SLC25A21: variants seen among roughly 807,000 people sequenced by gnomAD.
The protein encoded by SLC25A21 is solute carrier family 25 member 21.
In SLC25A21, 47 loss-of-function variants were observed where a neutral mutation model predicts 43.8. The ratio of observed to expected loss-of-function variants is 1.07; its 90% CI spans 0.85 to 1.37. SLC25A21 has a LOEUF of 1.37. Ranked by LOEUF, SLC25A21 falls within the 40% of genes most tolerant of loss-of-function variation. The pLI, the probability that SLC25A21 is intolerant of heterozygous loss-of-function variation, is 0.00. For synonymous variants in SLC25A21, 131 were observed against 121.3 expected, an observed-to-expected ratio of 1.08 and a Z score of -0.52; for missense variants, 352 against 350.2, an observed-to-expected ratio of 1.00 and a Z score of -0.04.
chr14:36,900,707 T>C (rs1891374513), intron 1 of SLC25A21, among the ~76,000 whole-genome samples: 1 of 152,248 alleles, frequency 6.6e-6, no homozygotes, highest in Non-Finnish European at 1.5e-5. Flanking sequence ...TAAGATGTTA[T>C]GTTAACTTGT....
At chr14:36,751,443 A>C (rs1207926311) in intron 3 of SLC25A21, among the ~76,000 whole-genome samples, 8 of 152,154 alleles carry the variant, frequency 5.3e-5, no homozygotes, top group Non-Finnish European at 1.0e-4. Flanking sequence ...ATTTTTAGAG[A>C]AGCAACACTG....
intron 1 of SLC25A21, among the ~76,000 whole-genome samples, chr14:37,126,579 C>T (rs968728204): frequency 2.0e-5 from 3 of 151,738 alleles, no homozygotes; most frequent in Admixed American, 6.6e-5. Flanking sequence ...TATGTAATTA[C>T]GTATTTTTGC....
chr14:36,695,966 G>C (rs957351306), intron 7 of SLC25A21, among the ~76,000 whole-genome samples: 2 of 152,178 alleles, frequency 1.3e-5, no homozygotes, highest in African/African-American at 2.4e-5. Context: ...TGGTGACAGA[G>C]GGCATCCTTG....
Position 36,863,918 on chromosome 14 carries a change from A to G in SLC25A21, c.119+11038T>C, listed in dbSNP as rs531838105. On this transcript the variant is annotated intron_variant, in intron 2 of 9. Transcript: ENST00000331299. ...GAAAGATGCAGGGGCAAGACTTTCT[A>G]CTGTGGACTCTTCTGAGCTTTCCAG... 2.6e-5 allele frequency among the ~76,000 whole-genome samples: 4 copies of G among 152,316 alleles called. No homozygotes were observed. In the East Asian group the frequency reaches 7.7e-4, roughly 29 times the overall value.
intron 6 of SLC25A21, among the ~76,000 whole-genome samples, chr14:36,715,063 A>G (rs1884066714): frequency 6.6e-6 from 1 of 152,214 alleles, no homozygotes; most frequent in South Asian, 2.1e-4. Context: ...CATCTAATCC[A>G]ATGTTGTTCT....
intron 2 of SLC25A21, among the ~76,000 whole-genome samples, chr14:36,834,198 T>C (rs141042767): frequency 2.0e-5 from 3 of 152,352 alleles, no homozygotes; most frequent in African/African-American, 7.2e-5. Flanking sequence ...AGAAGATCAC[T>C]AATATTCTAA....
chr14:36,690,615 T>G (rs1882757580), intron 7 of SLC25A21, among the ~76,000 whole-genome samples: 1 of 152,186 alleles, frequency 6.6e-6, no homozygotes, highest in Admixed American at 6.5e-5. Flanking sequence ...GAGTTGGATA[T>G]GAAGGTAAAT....
intron 1 of SLC25A21, among the ~76,000 whole-genome samples, chr14:36,955,622 C>T (rs186212119): frequency 6.6e-6 from 1 of 152,166 alleles, no homozygotes; most frequent in Non-Finnish European, 1.5e-5. Context: ...AGATGACAAA[C>T]CAAGATTAAA....
chr14:36,750,721 A>G (rs747827725), intron 3 of SLC25A21, among the ~76,000 whole-genome samples: 2 of 152,178 alleles, frequency 1.3e-5, no homozygotes, highest in South Asian at 2.1e-4. Flanking sequence ...TATTAAAAAA[A>G]CCAAAACTAC....
chr14:37,043,940 G>GTTTTTTTTTT (rs59081965), intron 1 of SLC25A21, among the ~76,000 whole-genome samples: 12 of 56,776 alleles, frequency 2.1e-4, no homozygotes, highest in African/African-American at 4.1e-4. Context: ...ATGTTTTTTT[G>GTTTTTTTTTT]TTTTTTTTTT....
intron 1 of SLC25A21, among the ~76,000 whole-genome samples, chr14:36,941,943 A>G (rs187611969): frequency 2.8e-4 from 43 of 152,266 alleles, no homozygotes; most frequent in Admixed American, 2.6e-3. Context: ...TGATACATCA[A>G]ATTACATGCA....
chr14:36,960,236 C>CT, intron 1 of SLC25A21, among the ~76,000 whole-genome samples: 1 of 152,242 alleles, frequency 6.6e-6, no homozygotes, highest in Admixed American at 6.5e-5. Context: ...TCCAATTATA[C>CT]TTTTTTTCAT....
At chr14:36,931,167 T>C (rs1159564542) in intron 1 of SLC25A21, among the ~76,000 whole-genome samples, 3 of 152,182 alleles carry the variant, frequency 2.0e-5, no homozygotes, top group Non-Finnish European at 4.4e-5. Flanking sequence ...TCAATAAATA[T>C]TCCTTAAAGA....
intron 1 of SLC25A21, among the ~76,000 whole-genome samples, chr14:36,987,119 TAGTA>T (rs1960163301): frequency 1.3e-5 from 2 of 152,158 alleles, no homozygotes; most frequent in African/African-American, 4.8e-5. Flanking sequence ...AGCAAGGTTA[TAGTA>T]AGTATTTTTT....
intron 2 of SLC25A21, among the ~76,000 whole-genome samples, chr14:36,856,403 C>T (rs1445001560): frequency 6.6e-6 from 1 of 152,128 alleles, no homozygotes; most frequent in Non-Finnish European, 1.5e-5. Flanking sequence ...CATTAAGTCC[C>T]AGTAGCTCAG....
chr14:37,127,895 A>G (rs923021144), intron 1 of SLC25A21, among the ~76,000 whole-genome samples: 1 of 152,214 alleles, frequency 6.6e-6, no homozygotes, highest in Non-Finnish European at 1.5e-5. Flanking sequence ...CATAAAGAGA[A>G]GAGACTATTA....
intron 2 of SLC25A21, among the ~76,000 whole-genome samples, chr14:36,862,635 G>T (rs1490988388): frequency 6.6e-6 from 1 of 152,108 alleles, no homozygotes; most frequent in South Asian, 2.1e-4. Context: ...GGGAGGAATA[G>T]CATTAGGAGA....
At chr14:37,044,183 A>C (rs1299037964) in intron 1 of SLC25A21, among the ~76,000 whole-genome samples, 1 of 151,910 alleles carries the variant, frequency 6.6e-6, no homozygotes, top group Non-Finnish European at 1.5e-5. Context: ...AAGCAGATAA[A>C]GGAACAAGTA....
intron 1 of SLC25A21, among the ~76,000 whole-genome samples, chr14:37,081,122 A>T (rs553510048): frequency 6.6e-6 from 1 of 152,312 alleles, no homozygotes; most frequent in South Asian, 2.1e-4. Flanking sequence ...TAAGACCCTG[A>T]TCATGATCCC....
Sources: gnomAD v4.1 joint callset for allele counts (sites outside exome capture counted in the v4.1 genomes callset) on GRCh38, gnomAD v4.1.1 for gene constraint, MANE v1.5 for transcripts, NCBI Gene and HGNC (gene_info 2026-07-23, HGNC 2026-07-21) for gene names.